The following TM9SF4 variants were observed in gnomAD, a reference collection of about 807,000 sequenced individuals.
The protein encoded by TM9SF4 is dinucleotide oxidase disulfide thiol exchanger 3 superfamily member 4.
Under a neutral mutation model 90.4 loss-of-function variants are expected in TM9SF4, and 26 were observed. That is an observed-to-expected ratio of 0.29 (90% CI 0.21 to 0.40). TM9SF4 has a LOEUF of 0.40. TM9SF4 is among the 10% of genes least tolerant of loss of function. The pLI is 1.00. For synonymous variants in TM9SF4, 293 were observed against 315.4 expected (o/e 0.93, Z 0.75); for missense variants, 549 against 834.8 (o/e 0.66, Z 4.22).
At chr20:32,149,208 A>T (rs911827957) in intron 9 of TM9SF4, among the ~76,000 whole-genome samples, 1 of 152,168 alleles carries the variant, frequency 6.6e-6, no homozygotes, top group African/African-American at 2.4e-5. Flanking sequence ...TGTAATAAAC[A>T]TGTATTACTT....
intron 17 of TM9SF4, among the ~76,000 whole-genome samples, chr20:32,162,554 A>G (rs1409877736): frequency 6.6e-6 from 1 of 152,226 alleles, no homozygotes; most frequent in Admixed American, 6.5e-5. Flanking sequence ...GACAGGGACC[A>G]TATGGCCTGC....
chr20:32,138,524 G>C (rs1367809616), intron 3 of TM9SF4, among the ~76,000 whole-genome samples: 1 of 152,208 alleles, frequency 6.6e-6, no homozygotes, highest in Non-Finnish European at 1.5e-5. Flanking sequence ...AGGCATGGTG[G>C]TGCACGCCTG....
chr20:32,125,929 CA>C (rs2046413387), intron 1 of TM9SF4, among the ~76,000 whole-genome samples: 1 of 152,024 alleles, frequency 6.6e-6, no homozygotes, highest in Admixed American at 6.6e-5. Flanking sequence ...CTCTGCCTCC[CA>C]AAGTGCTGGG....
At chr20:32,150,570 G>T in intron 10 of TM9SF4, 52 bp from the exon 11 acceptor site, 1 of 1,609,934 alleles carries the variant, frequency 6.2e-7, no homozygotes. Flanking sequence ...TAGAGGCCTG[G>T]TGATCAGCCA....
Position 32,165,393 on chromosome 20 carries a change from T to C in TM9SF4, c.1878T>C (p.Tyr626=), listed in dbSNP as rs749001688. 1.1e-5 allele frequency: 18 copies of C among 1,614,132 alleles called. No individual in the cohort carries two copies. The highest frequency in any genetic ancestry group is 1.5e-5 in the Non-Finnish European group (18 of 1,180,050). The change falls in exon 18 of 18, where the codon TAT becomes TAC. Residue 626 remains tyrosine (Y), a synonymous_variant. Coordinates refer to ENST00000398022, the MANE Select transcript of TM9SF4 (RefSeq NM_014742.4). ...TGCTAACGGGTACCATCGGCTTCTATGCAGCCTACATGTTTGTTCGCAAGA... is the reference window on the plus strand; with the variant it reads ...TGCTAACGGGTACCATCGGCTTCTACGCAGCCTACATGTTTGTTCGCAAGA... The part of the protein sequence containing the change: ...FWLLTGTIGF[Y]AAYMFVRKIY...
intron 1 of TM9SF4, among the ~76,000 whole-genome samples, chr20:32,112,167 T>G (rs1397032356): frequency 6.6e-6 from 1 of 152,072 alleles, no homozygotes; most frequent in East Asian, 1.9e-4. Flanking sequence ...CCCAGCACTC[T>G]GGGAGACCAA....
intron 14 of TM9SF4, 41 bp downstream of exon 14, chr20:32,158,010 G>T: frequency 6.2e-7 from 1 of 1,610,878 alleles, no homozygotes. Flanking sequence ...GAACGTGGAA[G>T]AGGGTACGCC....
rs377329943 is a variant in TM9SF4 at position 32,142,990 on chromosome 20, G to T, written c.537G>T (p.Leu179=). 3.0e-5 allele frequency: 49 copies of T among 1,613,214 alleles called. No individual in the cohort carries two copies. The African/African-American group carries it at 5.9e-4, about 19-fold the overall frequency. ...CTGTTGCTGTGTTTCAGATCTACCT[G>T]CACAACCACCTCTCATTCATCCTTT... ...LGFTDVNKIY[L]HNHLSFILYY... is the part of the protein sequence containing the mutation. Residue 179 remains leucine, a synonymous_variant, in exon 6 of 18, where the codon CTG becomes CTT. Transcript: ENST00000398022.
intron 12 of TM9SF4, among the ~76,000 whole-genome samples, chr20:32,152,894 GCCTTTCTC>G (rs1298708644): frequency 6.6e-6 from 1 of 152,194 alleles, no homozygotes; most frequent in African/African-American, 2.4e-5. Context: ...ATAGGGGTCT[GCCTTTCTC>G]CCTGGAGCTT....
chr20:32,162,876 A>G (rs558444670), intron 17 of TM9SF4, among the ~76,000 whole-genome samples: 9 of 152,232 alleles, frequency 5.9e-5, no homozygotes, highest in Non-Finnish European at 1.0e-4. Context: ...AAAAAAAGGG[A>G]AAAAAAGTAG....
chr20:32,153,508 G>A lies in TM9SF4; in HGVS notation c.1246-1595G>A, dbSNP rs532134170. Among the ~76,000 whole-genome samples, 23 of 152,336 alleles carry A rather than the reference G, an allele frequency of 1.5e-4. No homozygotes were observed. In the South Asian group the frequency reaches 3.5e-3, roughly 23 times the overall value. ...TTGTGCCTCTAATCCCAGTCCTTTGGGAGGCCGAGGCAGGAGGATCACTTG... is the reference window on the plus strand; with the variant it reads ...TTGTGCCTCTAATCCCAGTCCTTTGAGAGGCCGAGGCAGGAGGATCACTTG... On this transcript the variant is annotated intron_variant, in intron 12 of 17. Coordinates refer to ENST00000398022, the MANE Select transcript of TM9SF4 (RefSeq NM_014742.4).
intron 10 of TM9SF4, 53 bp from the exon 11 acceptor site, chr20:32,150,569 G>A (rs1043632042): frequency 4.4e-6 from 7 of 1,609,036 alleles, no homozygotes; most frequent in African/African-American, 4.0e-5. Context: ...CTAGAGGCCT[G>A]GTGATCAGCC....
At chr20:32,143,949 T>G (rs1008322754) in intron 6 of TM9SF4, among the ~76,000 whole-genome samples, 3 of 112,826 alleles carry the variant, frequency 2.7e-5, no homozygotes, top group Non-Finnish European at 4.0e-5. Flanking sequence ...CCATTTTATC[T>G]TTTTTTTTCC....
chr20:32,137,131 G>T (rs896443440), intron 3 of TM9SF4: 14 of 438,780 alleles, frequency 3.2e-5, no homozygotes, highest in African/African-American at 2.8e-4. Flanking sequence ...TGGCCTCAGA[G>T]CCTGGGCTGG....
At chr20:32,161,770 A>T (rs2122480163) in intron 17 of TM9SF4, among the ~76,000 whole-genome samples, 1 of 152,304 alleles carries the variant, frequency 6.6e-6, no homozygotes, top group African/African-American at 2.4e-5. Context: ...ATAAAGATAA[A>T]AGCACAAAAT....
chr20:32,121,475 T>C (rs1335441050), intron 1 of TM9SF4, among the ~76,000 whole-genome samples: 2 of 152,006 alleles, frequency 1.3e-5, no homozygotes, highest in South Asian at 4.2e-4. Context: ...TCCATTTAAC[T>C]CTGAGTGGAC....
intron 9 of TM9SF4, among the ~76,000 whole-genome samples, chr20:32,149,164 ATTTTAT>A (rs1447355699): frequency 1.3e-5 from 2 of 152,188 alleles, no homozygotes; most frequent in African/African-American, 2.4e-5. Flanking sequence ...GTATCAAATC[ATTTTAT>A]TTTTATATCG....
intron 13 of TM9SF4, among the ~76,000 whole-genome samples, chr20:32,155,901 C>G (rs996324181): frequency 6.6e-6 from 1 of 152,216 alleles, no homozygotes; most frequent in Non-Finnish European, 1.5e-5. Flanking sequence ...AAGCCACCCT[C>G]AAGACACAGT....
At chr20:32,155,419 C>T (rs1211343113) in intron 13 of TM9SF4, among the ~76,000 whole-genome samples, 1 of 152,200 alleles carries the variant, frequency 6.6e-6, no homozygotes, top group Non-Finnish European at 1.5e-5. Context: ...TGACCCAAGC[C>T]CACTTCTCTA....
Sources: gnomAD v4.1 joint callset for allele counts (sites outside exome capture counted in the v4.1 genomes callset) on GRCh38, gnomAD v4.1.1 for gene constraint, MANE v1.5 for transcripts, NCBI Gene and HGNC (gene_info 2026-07-23, HGNC 2026-07-21) for gene names.